The following KMO variants were observed in gnomAD, a reference collection of about 807,000 sequenced individuals.
The protein encoded by KMO is kynurenine 3-monooxygenase.
In KMO, 24 loss-of-function variants were observed where a neutral mutation model predicts 57.8. That is an observed-to-expected ratio of 0.42 (90% confidence interval 0.30 to 0.58). KMO has a LOEUF of 0.58. KMO is among the 20% of genes least tolerant of loss of function. The probability of loss-of-function intolerance (pLI) is 0.22; values close to 1 mark genes in which losing one functional copy is unlikely to be tolerated. For synonymous variants in KMO, 210 were observed against 193.6 expected, an observed-to-expected ratio of 1.08 and a Z score of -0.70; for missense variants, 483 against 588.2, an observed-to-expected ratio of 0.82 and a Z score of 1.85.
At chr1:241,586,825 G>T (rs1663011163) in intron 11 of KMO, 89 bp downstream of exon 11, 1 of 908,056 alleles carries the variant, frequency 1.1e-6, no homozygotes. Context: ...TCACAAACCT[G>T]TGATGTATAA....
intron 7 of KMO, among the ~76,000 whole-genome samples, chr1:241,564,406 C>T: frequency 6.6e-6 from 1 of 151,970 alleles, no homozygotes; most frequent in Non-Finnish European, 1.5e-5. Context: ...AGAGGACCCA[C>T]TAAAGAGATA....
chr1:241,593,280 A>T lies in KMO; in HGVS notation c.*1127A>T, dbSNP rs1031794271. 10 of 370,106 alleles carry T rather than the reference A, an allele frequency of 2.7e-5. No homozygotes were observed. Among genetic ancestry groups the T allele is most frequent in the Non-Finnish European group, 6.2e-5 (10 of 161,000 alleles). The allele number at this position is 370,106 out of a possible 1,614,324, so 22.9% of individuals were successfully genotyped here. ...ATTTACTAATTTATTCTTCGACTAC[A>T]TACTGCAGCAGAACCAGCAATACAC... On this transcript the variant is annotated 3_prime_UTR_variant, in exon 15 of 15. Transcript: ENST00000366559.
At chr1:241,536,968 G>T (rs148663218) in intron 1 of KMO, among the ~76,000 whole-genome samples, 1 of 152,088 alleles carries the variant, frequency 6.6e-6, no homozygotes. Context: ...GCTCAAAATG[G>T]TCTTGATGCC....
rs1308420639 is a variant in KMO at position 241,594,823 on chromosome 1, G to A, written c.*2670G>A. On this transcript the variant is annotated 3_prime_UTR_variant, in exon 15 of 15. Coordinates refer to ENST00000366559, the MANE Select transcript of KMO (RefSeq NM_003679.5). ...TTAGCAGGTGTGGATGTGGGGTTAT[G>A]TGGTCATGCTCAGATCTACCTAAAT... 3 of 962,432 alleles carry A rather than the reference G, an allele frequency of 3.1e-6. No individual in the cohort carries two copies. Among genetic ancestry groups the A allele is most frequent in the Non-Finnish European group, 4.6e-6 (3 of 650,218 alleles). 59.6% of individuals were successfully genotyped at this position (962,432 alleles called of 1,614,324 possible).
At chr1:241,545,345 C>T (rs543223273) in intron 1 of KMO, among the ~76,000 whole-genome samples, 11 of 152,218 alleles carry the variant, frequency 7.2e-5, no homozygotes, top group Admixed American at 3.9e-4. Flanking sequence ...AATAAATCAC[C>T]ACAAACCAGG....
intron 4 of KMO, among the ~76,000 whole-genome samples, chr1:241,555,061 C>G (rs1477201493): frequency 6.6e-6 from 1 of 152,006 alleles, no homozygotes; most frequent in African/African-American, 2.4e-5. Flanking sequence ...GCTGAATTGT[C>G]CTATAAAGTC....
chr1:241,541,961 G>A (rs983020891), intron 1 of KMO, among the ~76,000 whole-genome samples: 7 of 151,944 alleles, frequency 4.6e-5, no homozygotes, highest in Non-Finnish European at 1.0e-4. Context: ...GCTTCATTAA[G>A]TCAAAAGTAG....
intron 10 of KMO, among the ~76,000 whole-genome samples, chr1:241,571,864 CTTTTTTTTTTTT>C (rs34450394): frequency 2.1e-5 from 2 of 96,490 alleles, no homozygotes; most frequent in African/African-American, 7.5e-5. Flanking sequence ...ATATTAGTTC[CTTTTTTTTTTTT>C]TTTTTTTTTG....
intron 6 of KMO, among the ~76,000 whole-genome samples, chr1:241,561,729 C>T (rs1337158287): frequency 6.6e-6 from 1 of 152,202 alleles, no homozygotes; most frequent in African/African-American, 2.4e-5. Flanking sequence ...TCAAGATTCT[C>T]TTCTTTTCCC....
rs756128396 is a variant in KMO, at chr1:241,592,124, G to C, written c.1432G>C (p.Glu478Gln). ...CFPAKAVDSLEQISNLISR is the reference protein window; with the variant it reads ...CFPAKAVDSLQQISNLISR ...CCCCGCAAAGGCCGTGGACTCCCTA[G>C]AACAAATTTCCAATCTCATTAGCAG... The change falls in exon 15 of 15, where the codon GAA becomes CAA. Residue 478 changes from glutamate to glutamine, a missense_variant. Transcript: ENST00000366559. The C allele has an allele frequency of 6.2e-7, 1 of 1,613,802 alleles. No homozygotes were observed. The highest frequency in any genetic ancestry group is 8.5e-7 in the Non-Finnish European group (1 of 1,179,912).
chr1:241,556,449 G>A (rs1417990665), intron 5 of KMO, among the ~76,000 whole-genome samples: 3 of 152,198 alleles, frequency 2.0e-5, no homozygotes, highest in Non-Finnish European at 4.4e-5. Flanking sequence ...TCTCTGAATT[G>A]AAATCATTTG....
At chr1:241,566,779 G>A (rs1662095966) in intron 9 of KMO, among the ~76,000 whole-genome samples, 167 bp downstream of exon 9, 1 of 152,204 alleles carries the variant, frequency 6.6e-6, no homozygotes, top group African/African-American at 2.4e-5. Flanking sequence ...GCTGTGAGCA[G>A]GAATTCTGAA....
intron 10 of KMO, among the ~76,000 whole-genome samples, chr1:241,586,033 T>G (rs1178997524): frequency 1.3e-5 from 2 of 152,014 alleles, no homozygotes; most frequent in Non-Finnish European, 2.9e-5. Flanking sequence ...ATTCTAAAAC[T>G]TATGGTAGAG....
chr1:241,564,587 T>C (rs1662004375), intron 7 of KMO, among the ~76,000 whole-genome samples: 1 of 151,918 alleles, frequency 6.6e-6, no homozygotes, highest in Non-Finnish European at 1.5e-5. Flanking sequence ...ATATAATGTA[T>C]GTGCATACAT....
chr1:241,541,147 C>T (rs977718179), intron 1 of KMO, among the ~76,000 whole-genome samples: 6 of 151,908 alleles, frequency 3.9e-5, no homozygotes, highest in African/African-American at 9.7e-5. Context: ...TATTAGAAAA[C>T]GGTTGCAGTA....
At chr1:241,549,867 A>T in intron 3 of KMO, 93 bp downstream of exon 3, 1 of 785,194 alleles carries the variant, frequency 1.3e-6, no homozygotes, top group Non-Finnish European at 2.1e-6. Flanking sequence ...AGTACCATTT[A>T]ATACCAAGAA....
At chr1:241,570,241 T>C (rs1336689918) in intron 10 of KMO, among the ~76,000 whole-genome samples, 1 of 152,028 alleles carries the variant, frequency 6.6e-6, no homozygotes, top group African/African-American at 2.4e-5. Context: ...CTTGATATGA[T>C]CCCATTTGTC....
At chr1:241,552,409 G>A (rs997339293) in intron 4 of KMO, among the ~76,000 whole-genome samples, 4 of 152,052 alleles carry the variant, frequency 2.6e-5, no homozygotes, top group Non-Finnish European at 5.9e-5. Flanking sequence ...GTCAAATATG[G>A]CGGCCTCCTT....
intron 11 of KMO, among the ~76,000 whole-genome samples, chr1:241,587,429 C>T (rs988816322): frequency 6.6e-6 from 1 of 152,100 alleles, no homozygotes; most frequent in Admixed American, 6.5e-5. Flanking sequence ...CTTAGAAGCT[C>T]CAGTGTTTTT....
Sources: allele counts gnomAD v4.1 joint callset (sites outside exome capture counted in the v4.1 genomes callset), GRCh38; gene constraint gnomAD v4.1.1; transcripts MANE v1.5; gene names NCBI Gene and HGNC (gene_info 2026-07-23, HGNC 2026-07-21).